The following CASP9 variants were observed in gnomAD, a reference collection of about 807,000 sequenced individuals.
The protein encoded by CASP9 is caspase 9.
A neutral mutation model predicts 43.5 loss-of-function variants in CASP9; 29 were observed. The observed-to-expected ratio is 0.67, with a 90% CI of 0.50 to 0.91. The LOEUF is 0.91. CASP9 is among the 40% of genes least tolerant of loss of function. The pLI is 0.00. For missense variants in CASP9, 575 were observed against 537.4 expected (o/e 1.07, Z -0.69); for synonymous variants, 206 against 211.9 (o/e 0.97, Z 0.24).
At chr1:15,497,292 C>A (rs565333999) in intron 6 of CASP9, among the ~76,000 whole-genome samples, 1 of 132,844 alleles carries the variant, frequency 7.5e-6, no homozygotes, top group Admixed American at 8.3e-5. Context: ...GCCTGGGCAA[C>A]AGAGCAGGAC....
chr1:15,501,311 G>A (rs1047458402), intron 6 of CASP9, among the ~76,000 whole-genome samples: 2 of 152,084 alleles, frequency 1.3e-5, no homozygotes, highest in Non-Finnish European at 2.9e-5. Context: ...TTCAGCCCTG[G>A]TGCTGTTACC....
chr1:15,493,853 C>G (rs1469854746), intron 8 of CASP9, 39 bp downstream of exon 8: 5 of 1,557,618 alleles, frequency 3.2e-6, no homozygotes, highest in Non-Finnish European at 2.6e-6. Flanking sequence ...TGCCCCTCAG[C>G]AGCCTCCCCT....
intron 2 of CASP9, among the ~76,000 whole-genome samples, chr1:15,517,758 A>G (rs1449659775): frequency 6.6e-6 from 1 of 152,174 alleles, no homozygotes; most frequent in African/African-American, 2.4e-5. Flanking sequence ...GCCCCCAGAC[A>G]TGAGGTAGTC....
intron 8 of CASP9, 69 bp from the exon 9 acceptor site, chr1:15,493,104 G>T (rs908247898): frequency 1.5e-5 from 24 of 1,600,268 alleles, no homozygotes; most frequent in Non-Finnish European, 1.5e-5. Flanking sequence ...TTCAAGAGGG[G>T]CTGGGGGGAA....
chr1:15,520,820 G>A (rs1002163088), intron 1 of CASP9, among the ~76,000 whole-genome samples: 2 of 151,950 alleles, frequency 1.3e-5, no homozygotes, highest in Non-Finnish European at 2.9e-5. Context: ...GGGCGTGGTA[G>A]TGCGCACCTG....
At chr1:15,494,783 A>T (rs1223041911) in intron 7 of CASP9, among the ~76,000 whole-genome samples, 1 of 145,922 alleles carries the variant, frequency 6.9e-6, no homozygotes, top group East Asian at 2.0e-4. Context: ...GAATGGTGTG[A>T]ACCCGGGATG....
At chr1:15,515,354 C>T (rs975369643) in intron 2 of CASP9, among the ~76,000 whole-genome samples, 7 of 152,154 alleles carry the variant, frequency 4.6e-5, no homozygotes, top group Non-Finnish European at 1.0e-4. Flanking sequence ...TAGTGGATTG[C>T]CCAAAAATCA....
At chr1:15,515,941 C>T (rs1395537103) in intron 2 of CASP9, among the ~76,000 whole-genome samples, 1 of 152,046 alleles carries the variant, frequency 6.6e-6, no homozygotes, top group African/African-American at 2.4e-5. Context: ...GTGGCTCACA[C>T]CTTTAATCCC....
chr1:15,519,605 G>A (rs531384525), intron 1 of CASP9, among the ~76,000 whole-genome samples: 2 of 152,276 alleles, frequency 1.3e-5, no homozygotes, highest in East Asian at 3.9e-4. Flanking sequence ...CAAAGATGGT[G>A]CAGCTAGAAT....
intron 2 of CASP9, 75 bp from the exon 3 acceptor site, chr1:15,507,982 AG>A: frequency 6.7e-7 from 1 of 1,485,978 alleles, no homozygotes; most frequent in African/African-American, 1.4e-5. Context: ...CTGTGAGGAC[AG>A]CCCCCCAAGA....
chr1:15,492,795 A>G lies in CASP9; in HGVS notation c.*148T>C. 9.2e-7 allele frequency: 1 copy of G among 1,089,284 alleles called. No homozygotes were observed. Among genetic ancestry groups the G allele is most frequent in the East Asian group, 2.4e-5 (1 of 42,270 alleles). The allele number at this position is 1,089,284 out of a possible 1,614,324, so 67.5% of individuals were successfully genotyped here. On this transcript the variant is annotated 3_prime_UTR_variant, in exon 9 of 9. Transcript: ENST00000333868. ...TGTCGTCAATCTGGAAGCTGCTAAGAGCCTGTCTGTCACTGGCAGAGAAAG... is the reference window on the plus strand; with the variant it reads ...TGTCGTCAATCTGGAAGCTGCTAAGGGCCTGTCTGTCACTGGCAGAGAAAG...
chr1:15,493,773 T>G (rs1570820331), intron 8 of CASP9, 119 bp downstream of exon 8: 1 of 1,533,924 alleles, frequency 6.5e-7, no homozygotes, highest in Non-Finnish European at 8.7e-7. Context: ...GAGGCAGGAG[T>G]CTACTACCTT....
chr1:15,508,853 G>A (rs932646053), intron 2 of CASP9, among the ~76,000 whole-genome samples: 1 of 152,236 alleles, frequency 6.6e-6, no homozygotes, highest in African/African-American at 2.4e-5. Flanking sequence ...GATATACTCA[G>A]CAAAGAGGCT....
intron 1 of CASP9, among the ~76,000 whole-genome samples, chr1:15,519,033 CCTGA>C (rs1438864910): frequency 6.9e-6 from 1 of 144,184 alleles, no homozygotes; most frequent in Non-Finnish European, 1.5e-5. Flanking sequence ...CACCACCATA[CCTGA>C]CTAATTTTTT....
intron 2 of CASP9, among the ~76,000 whole-genome samples, chr1:15,512,180 A>G (rs1218069130): frequency 6.6e-6 from 1 of 152,222 alleles, no homozygotes; most frequent in Non-Finnish European, 1.5e-5. Flanking sequence ...TCTACTTTCA[A>G]GGAAGTTCCA....
chr1:15,514,063 A>G (rs999995936), intron 2 of CASP9, among the ~76,000 whole-genome samples: 10 of 152,174 alleles, frequency 6.6e-5, no homozygotes, highest in African/African-American at 2.2e-4. Flanking sequence ...ATGAATATGT[A>G]TGAGTGCAGT....
chr1:15,524,412 G>A (rs559748053), upstream of CASP9: 1,643 of 1,262,910 alleles, frequency 1.3e-3, 16 homozygotes, highest in African/African-American at 0.029. Context: ...CCCTCAGGAC[G>A]CACCTCTGCG....
intron 2 of CASP9, among the ~76,000 whole-genome samples, chr1:15,510,288 G>C (rs1003577136): frequency 1.3e-5 from 2 of 152,160 alleles, no homozygotes; most frequent in Admixed American, 6.5e-5. Flanking sequence ...TTGCAGTGGA[G>C]CCCATACTCC....
intron 4 of CASP9, 39 bp downstream of exon 4, chr1:15,506,860 G>T: frequency 4.1e-5 from 59 of 1,450,372 alleles, no homozygotes; most frequent in Non-Finnish European, 5.2e-5. Flanking sequence ...CCCACCCACT[G>T]CCCCCCACCC....
Sources: gnomAD v4.1 joint callset for allele counts (sites outside exome capture counted in the v4.1 genomes callset) on GRCh38, gnomAD v4.1.1 for gene constraint, MANE v1.5 for transcripts, NCBI Gene and HGNC (gene_info 2026-07-23, HGNC 2026-07-21) for gene names.